The following DCC variants were observed in gnomAD, a reference collection of about 807,000 sequenced individuals.
DCC encodes DCC netrin 1 receptor, also known as netrin receptor DCC.
In DCC, 58 loss-of-function variants were observed where a neutral mutation model predicts 172.5. That is an observed-to-expected ratio of 0.34 (90% CI 0.27 to 0.42). The LOEUF (loss-of-function observed/expected upper bound fraction) is 0.42. DCC is among the 10% of genes least tolerant of loss of function. The pLI, the probability that DCC is intolerant of heterozygous loss-of-function variation, is 1.00. For missense variants in DCC, 1,740 were observed against 1,791.0 expected (o/e 0.97, Z 0.51); for synonymous variants, 709 against 644.5 (o/e 1.10, Z -1.52).
At chr18:52,927,068 C>T (rs78194867) in intron 5 of DCC, among the ~76,000 whole-genome samples, 4,893 of 61,328 alleles carry the variant, frequency 0.08, 1,207 homozygotes, top group Non-Finnish European at 0.13. Context: ...CATATATACA[C>T]ACATATATGT....
chr18:52,969,179 T>C (rs929362296), intron 5 of DCC, among the ~76,000 whole-genome samples: 1 of 152,198 alleles, frequency 6.6e-6, no homozygotes, highest in African/African-American at 2.4e-5. Context: ...GCTATTCACC[T>C]ATGACTTCCA....
intron 2 of DCC, among the ~76,000 whole-genome samples, chr18:52,752,796 T>C (rs1183224948): frequency 6.6e-6 from 1 of 152,146 alleles, no homozygotes; most frequent in Non-Finnish European, 1.5e-5. Flanking sequence ...TGCTCTCTAG[T>C]TCTATGAGTC....
At chr18:52,474,206 T>TAGAGAGAGAGAG (rs61277582) in intron 1 of DCC, among the ~76,000 whole-genome samples, 30 of 100,618 alleles carry the variant, frequency 3.0e-4, no homozygotes, top group African/African-American at 1.2e-3. Flanking sequence ...GTAACAGACC[T>TAGAGAGAGAGAG]AGAGAGAGAG....
chr18:52,485,398 C>T (rs2030168910), intron 1 of DCC, among the ~76,000 whole-genome samples: 1 of 152,118 alleles, frequency 6.6e-6, no homozygotes, highest in South Asian at 2.1e-4. Flanking sequence ...GCAATATGGA[C>T]TATATCGCCG....
At chr18:52,939,907 A>C (rs1270142450) in intron 5 of DCC, among the ~76,000 whole-genome samples, 1 of 152,148 alleles carries the variant, frequency 6.6e-6, no homozygotes, top group Non-Finnish European at 1.5e-5. Context: ...TCAAACAAAA[A>C]ATAGAACATT....
intron 1 of DCC, among the ~76,000 whole-genome samples, chr18:52,491,900 T>C (rs1363552671): frequency 6.6e-6 from 1 of 151,792 alleles, no homozygotes. Context: ...GATTCCTGTC[T>C]GGAGCGCAGA....
At chr18:52,675,221 G>T (rs2035627629) in intron 1 of DCC, among the ~76,000 whole-genome samples, 1 of 152,056 alleles carries the variant, frequency 6.6e-6, no homozygotes. Flanking sequence ...ACCACACCTG[G>T]CTAATTTTTG....
At chr18:52,856,470 C>CA (rs940362131) in intron 2 of DCC, among the ~76,000 whole-genome samples, 14 of 150,884 alleles carry the variant, frequency 9.3e-5, no homozygotes, top group South Asian at 2.1e-4. Flanking sequence ...CTAAAAAATA[C>CA]AAAAAAATAG....
chr18:53,433,071 G>A (rs1911724173), intron 21 of DCC, among the ~76,000 whole-genome samples: 1 of 151,872 alleles, frequency 6.6e-6, no homozygotes, highest in African/African-American at 2.4e-5. Flanking sequence ...CTAATTATAA[G>A]GGACAAAAAG....
chr18:53,022,187 A>T (rs867191371), intron 5 of DCC, among the ~76,000 whole-genome samples: 65 of 152,280 alleles, frequency 4.3e-4, no homozygotes, highest in African/African-American at 1.5e-3. Context: ...ATTTAGCATG[A>T]ATATAAATTT....
At chr18:52,456,990 T>C (rs957988654) in intron 1 of DCC, among the ~76,000 whole-genome samples, 1 of 152,132 alleles carries the variant, frequency 6.6e-6, no homozygotes, top group African/African-American at 2.4e-5. Context: ...CTGGTTTGTA[T>C]TGAAGTGAAT....
chr18:52,753,005 A>ATAT (rs1298456633), intron 2 of DCC, among the ~76,000 whole-genome samples: 1 of 151,982 alleles, frequency 6.6e-6, no homozygotes, highest in African/African-American at 2.4e-5. Flanking sequence ...ACACACATAT[A>ATAT]TATATATATC....
At chr18:52,779,513 A>C (rs554083449) in intron 2 of DCC, among the ~76,000 whole-genome samples, 1 of 152,146 alleles carries the variant, frequency 6.6e-6, no homozygotes, top group Non-Finnish European at 1.5e-5. Context: ...ATAGTATTCC[A>C]TGGTATATAT....
At chr18:53,223,140 G>T (rs1245921369) in intron 12 of DCC, among the ~76,000 whole-genome samples, 2 of 152,024 alleles carry the variant, frequency 1.3e-5, no homozygotes, top group East Asian at 3.9e-4. Context: ...ATGTCAATAT[G>T]AATTTTTATT....
At chr18:52,766,417 T>G (rs777579436) in intron 2 of DCC, among the ~76,000 whole-genome samples, 8 of 152,092 alleles carry the variant, frequency 5.3e-5, no homozygotes, top group Non-Finnish European at 1.0e-4. Context: ...GCCTCCTGTA[T>G]CTGCACTCAT....
At chr18:53,105,931 G>A (rs570787501) in intron 7 of DCC, among the ~76,000 whole-genome samples, 62 of 151,018 alleles carry the variant, frequency 4.1e-4, no homozygotes, top group Middle Eastern at 6.8e-3. Context: ...TTGTCTGTTC[G>A]CCTTCTTTCA....
chr18:52,693,844 A>T (rs963721181), intron 1 of DCC, among the ~76,000 whole-genome samples: 1 of 152,174 alleles, frequency 6.6e-6, no homozygotes, highest in South Asian at 2.1e-4. Flanking sequence ...TCACAATATA[A>T]AATAAATATA....
intron 13 of DCC, among the ~76,000 whole-genome samples, chr18:53,306,395 C>A (rs1427171060): frequency 6.6e-6 from 1 of 152,072 alleles, no homozygotes. Flanking sequence ...GTTATAAGTT[C>A]AGGAAAACAA....
chr18:52,986,308 T>C (rs1365426959), intron 5 of DCC, among the ~76,000 whole-genome samples: 1 of 152,148 alleles, frequency 6.6e-6, no homozygotes, highest in Non-Finnish European at 1.5e-5. Context: ...TTAGGAGAAA[T>C]CTTATTGGTA....
Sources: gnomAD v4.1 joint callset for allele counts (sites outside exome capture counted in the v4.1 genomes callset) on GRCh38, gnomAD v4.1.1 for gene constraint, MANE v1.5 for transcripts, NCBI Gene and HGNC (gene_info 2026-07-23, HGNC 2026-07-21) for gene names.